The following CSNK1E variants were observed in gnomAD, a reference collection of about 807,000 sequenced individuals.
CSNK1E encodes casein kinase I isoform epsilon.
CSNK1E carries 17 observed loss-of-function variants against 46.1 expected under a neutral mutation model. The observed-to-expected ratio is 0.37, with a 90% confidence interval of 0.25 to 0.55. CSNK1E has a LOEUF of 0.55. CSNK1E is among the 20% of genes least tolerant of loss of function. CSNK1E has a pLI of 0.82. For synonymous variants in CSNK1E, 241 were observed against 242.6 expected (o/e 0.99, Z 0.06); for missense variants, 386 against 595.4 (o/e 0.65, Z 3.66).
At position 38,294,645 on chromosome 22, in the gene CSNK1E, A is replaced by G; in HGVS notation, c.886-111T>C. ...GGGAGGCCAGGTGGATATCTCAGAA[A>G]CCTTCTGCTCCAGCCTCCCTGACAA... On this transcript the variant is annotated intron_variant, in intron 7 of 10. Transcript: ENST00000396832. This position sits in a 1 kb window ranked among gnomAD's most constrained non-coding sequence, Gnocchi z 5.5. 1 of 1,046,214 alleles carries G rather than the reference A, an allele frequency of 9.6e-7. No homozygotes were observed. Among genetic ancestry groups the G allele is most frequent in the South Asian group, 1.6e-5 (1 of 63,548 alleles). 64.8% of individuals were successfully genotyped at this position (1,046,214 alleles called of 1,614,324 possible). A position where few individuals can be genotyped will look rare whatever the true frequency, so the allele number is the denominator to read the frequency against.
rs757422354 is a variant in CSNK1E, at chr22:38,303,114, C to T, written c.187+24G>A. Reference sequence around the variant, plus strand: ...TGCCCACCGCCACCCACCCGGCGCCCGCCGCCGCCCACCCTGCGCTCACCG... The same window carrying T: ...TGCCCACCGCCACCCACCCGGCGCCTGCCGCCGCCCACCCTGCGCTCACCG... On this transcript the variant is annotated intron_variant, in intron 3 of 10. Transcript: ENST00000396832. This position sits in a 1 kb window ranked among gnomAD's most constrained non-coding sequence, Gnocchi z 4.7. 33 of 1,598,968 alleles carry T rather than the reference C, an allele frequency of 2.1e-5. No individual in the cohort carries two copies. The highest frequency in any genetic ancestry group is 7.8e-5 in the South Asian group (7 of 90,290).
intron 1 of CSNK1E, 40 bp from the exon 2 acceptor site, chr22:38,314,209 G>T: frequency 1.3e-6 from 2 of 1,570,232 alleles, no homozygotes; most frequent in Non-Finnish European, 1.8e-6. Flanking sequence ...GCGACGTGGG[G>T]AGCCGGGAAA....
Position 38,303,892 on chromosome 22 carries a change from G to A in CSNK1E, c.77-644C>T, listed in dbSNP as rs73884677. Among the ~76,000 whole-genome samples the A allele has an allele frequency of 5.8e-3, 883 of 152,260 alleles. 13 individuals are homozygous for A. Among genetic ancestry groups the A allele is most frequent in the African/African-American group, 0.021 (865 of 41,550 alleles). ...CTTGAGATCAACCCCGGCTCTGCTG[G>A]CCTCCAGCATAGGTCAGAGGTCCTG... On this transcript the variant is annotated intron_variant, in intron 2 of 10. Coordinates refer to ENST00000396832, the MANE Select transcript of CSNK1E (RefSeq NM_152221.3). This position sits in a 1 kb window ranked among gnomAD's most constrained non-coding sequence, Gnocchi z 4.7.
At chr22:38,306,288 C>T (rs550348208) in intron 2 of CSNK1E, among the ~76,000 whole-genome samples, 4 of 152,150 alleles carry the variant, frequency 2.6e-5, no homozygotes, top group Non-Finnish European at 5.9e-5. Flanking sequence ...GGGTGGGGGA[C>T]GCTTCACTGG....
chr22:38,303,895 T>C lies in CSNK1E; in HGVS notation c.77-647A>G, dbSNP rs1284551106. ...GAGATCAACCCCGGCTCTGCTGGCC[T>C]CCAGCATAGGTCAGAGGTCCTGCCT... On this transcript the variant is annotated intron_variant, in intron 2 of 10. Coordinates refer to ENST00000396832, the MANE Select transcript of CSNK1E (RefSeq NM_152221.3). The surrounding 1 kb of genome is among the most constrained non-coding windows in gnomAD (Gnocchi z 4.7). Among the ~76,000 whole-genome samples, 2 of 152,162 alleles carry C rather than the reference T, an allele frequency of 1.3e-5. No homozygotes were observed. Among genetic ancestry groups the C allele is most frequent in the Non-Finnish European group, 2.9e-5 (2 of 68,032 alleles).
intron 7 of CSNK1E, chr22:38,296,468 C>G (rs2092641217): frequency 3.9e-6 from 6 of 1,535,342 alleles, no homozygotes; most frequent in Admixed American, 3.9e-5. Flanking sequence ...GGCCTGGCCT[C>G]AGGGTGAAGG....
chr22:38,293,510 G>A (rs2092622921), intron 9 of CSNK1E, among the ~76,000 whole-genome samples, 191 bp from the exon 10 acceptor site: 1 of 151,250 alleles, frequency 6.6e-6, no homozygotes, highest in South Asian at 2.1e-4. Context: ...ACTCTAAGAT[G>A]TCCCTGTCTG....
chr22:38,296,571 G>A, intron 7 of CSNK1E: 1 of 1,612,514 alleles, frequency 6.2e-7, no homozygotes, highest in Non-Finnish European at 8.5e-7. Flanking sequence ...TCAGAGATTG[G>A]CAAAGGATAA....
intron 6 of CSNK1E, 62 bp downstream of exon 6, chr22:38,299,833 C>A: frequency 6.4e-7 from 1 of 1,570,858 alleles, no homozygotes; most frequent in Non-Finnish European, 8.7e-7. Flanking sequence ...TATGGCCTCA[C>A]CTTTCCCTTA....
Position 38,290,884 on chromosome 22 carries a change from CAG to C in CSNK1E, c.*1085_*1086del, listed in dbSNP as rs1382433784. On this transcript the variant is annotated 3_prime_UTR_variant, in exon 11 of 11. Transcript: ENST00000396832. ...AAAAAAAAAAAGGAAAAAGGGGAAA[CAG>C]AGGTAAATAAATTAGGAAAACACAC... The C allele has an allele frequency of 8.4e-6, 1 of 119,658 alleles. No homozygotes were observed. Among genetic ancestry groups the C allele is most frequent in the Non-Finnish European group, 1.8e-5 (1 of 56,366 alleles). 7.4% of individuals were successfully genotyped at this position (119,658 alleles called of 1,614,324 possible).
chr22:38,296,101 C>T, intron 7 of CSNK1E: 2 of 960,488 alleles, frequency 2.1e-6, no homozygotes, highest in African/African-American at 3.5e-5. Context: ...AGCCCCTGCC[C>T]TTTGTGAGCC....
At position 38,303,679 on chromosome 22, in the gene CSNK1E, C is replaced by A. The variant is rs1021447132; in HGVS notation, c.77-431G>T. ...CCGAACACACCAGAACAAGCCAGGA[C>A]CACCCTGGCCTACAGGATGAGGATG... is the stretch of plus-strand genomic sequence containing the variant. On this transcript the variant is annotated intron_variant, in intron 2 of 10. Transcript: ENST00000396832. The surrounding 1 kb of genome is among the most constrained non-coding windows in gnomAD (Gnocchi z 4.7). 1.3e-5 allele frequency among the ~76,000 whole-genome samples: 2 copies of A among 152,180 alleles called. No individual in the cohort carries two copies. Among genetic ancestry groups the A allele is most frequent in the Non-Finnish European group, 2.9e-5 (2 of 68,020 alleles).
rs886531789 is a variant in CSNK1E at position 38,294,933 on chromosome 22, GA to G, written c.886-400del. 2.0e-5 allele frequency among the ~76,000 whole-genome samples: 3 copies of G among 152,200 alleles called. No homozygotes were observed. The highest frequency in any genetic ancestry group is 1.3e-4 in the Admixed American group (2 of 15,286). On this transcript the variant is annotated intron_variant, in intron 7 of 10. Transcript: ENST00000396832. The surrounding 1 kb of genome is among the most constrained non-coding windows in gnomAD (Gnocchi z 5.5). ...TACTCAAGGTTGCTAAACCGAGCAG[GA>G]AAGCTGTTTAGAGGCCTCTAGCAGA...
intron 2 of CSNK1E, among the ~76,000 whole-genome samples, chr22:38,307,918 G>A (rs2092705433): frequency 6.6e-6 from 1 of 152,114 alleles, no homozygotes; most frequent in Non-Finnish European, 1.5e-5. Context: ...TCCAACTCCT[G>A]GGCTCAAGTG....
intron 2 of CSNK1E, among the ~76,000 whole-genome samples, chr22:38,308,244 A>G (rs1389700747): frequency 6.6e-6 from 1 of 152,230 alleles, no homozygotes; most frequent in Non-Finnish European, 1.5e-5. Flanking sequence ...AGAAAAAGAA[A>G]AACAGAATGA....
Position 38,317,328 on chromosome 22 carries a change from GGGCTCT to G in CSNK1E, c.-187_-182del, listed in dbSNP as rs1478265548. The G allele has an allele frequency of 1.4e-5, 2 of 144,778 alleles. No homozygotes were observed. The highest frequency in any genetic ancestry group is 4.1e-4 in the East Asian group (2 of 4,936). 9.0% of individuals were successfully genotyped at this position (144,778 alleles called of 1,614,324 possible). A position where few individuals can be genotyped will look rare whatever the true frequency, so the allele number is the denominator to read the frequency against. On this transcript the variant is annotated 5_prime_UTR_variant, in exon 1 of 11. Transcript: ENST00000396832. ...CGCCGCGCTCCGCTCGGCCCCGGCCGGGCTCTGGCTCTGGGCTCTCGCCGCCGCCGC... is the reference window on the plus strand; with the variant it reads ...CGCCGCGCTCCGCTCGGCCCCGGCCGGGCTCTGGGCTCTCGCCGCCGCCGC...
intron 1 of CSNK1E, among the ~76,000 whole-genome samples, chr22:38,315,119 T>C (rs135765): frequency 0.99 from 150,562 of 152,340 alleles, 74,400 homozygotes; most frequent in East Asian, 1. Flanking sequence ...ATGCCACCTG[T>C]CCCACACCAC....
At chr22:38,306,221 TAAAG>T (rs1305269275) in intron 2 of CSNK1E, among the ~76,000 whole-genome samples, 1 of 152,038 alleles carries the variant, frequency 6.6e-6, no homozygotes, top group East Asian at 1.9e-4. Flanking sequence ...TCTAGCTACA[TAAAG>T]AAACACTGAA....
intron 1 of CSNK1E, among the ~76,000 whole-genome samples, chr22:38,316,033 AGAG>A (rs757940325): frequency 2.6e-5 from 4 of 151,862 alleles, no homozygotes; most frequent in Non-Finnish European, 5.9e-5. Flanking sequence ...AAAGCCTCCC[AGAG>A]GAGAGCAGAA....
Sources: allele counts gnomAD v4.1 joint callset (sites outside exome capture counted in the v4.1 genomes callset), GRCh38; gene constraint gnomAD v4.1.1; non-coding constraint Gnocchi (gnomAD v3.1); transcripts MANE v1.5; gene names NCBI Gene and HGNC (gene_info 2026-07-23, HGNC 2026-07-21).